Variants in HECW1 observed in about 807,000 individuals in gnomAD.
HECW1 encodes HECT, C2 and WW domain containing E3 ubiquitin protein ligase 1, also known as E3 ubiquitin-protein ligase HECW1.
Under a neutral mutation model 182.3 loss-of-function variants are expected in HECW1, and 61 were observed. The ratio of observed to expected loss-of-function variants is 0.33; its 90% CI spans 0.27 to 0.41. HECW1 has a LOEUF of 0.41. HECW1 is among the 10% of genes least tolerant of loss of function. The probability of loss-of-function intolerance (pLI) is 1.00; values close to 1 mark genes in which losing one functional copy is unlikely to be tolerated. For missense variants in HECW1, 1,739 were observed against 2,108.9 expected, an observed-to-expected ratio of 0.82 and a Z score of 3.44; for synonymous variants, 859 against 832.6, an observed-to-expected ratio of 1.03 and a Z score of -0.55.
intron 6 of HECW1, among the ~76,000 whole-genome samples, chr7:43,365,758 A>G (rs1323098933): frequency 6.6e-6 from 1 of 152,192 alleles, no homozygotes; most frequent in Non-Finnish European, 1.5e-5. Flanking sequence ...GCTTTTGATA[A>G]TAACTGAACA....
At chr7:43,381,464 G>C (rs115465926) in intron 6 of HECW1, among the ~76,000 whole-genome samples, 1 of 151,536 alleles carries the variant, frequency 6.6e-6, no homozygotes, top group African/African-American at 2.4e-5. Flanking sequence ...TAGGACTACA[G>C]GCACATGCTA....
chr7:43,435,931 G>C (rs1004782088), intron 8 of HECW1, among the ~76,000 whole-genome samples: 1 of 152,158 alleles, frequency 6.6e-6, no homozygotes, highest in Non-Finnish European at 1.5e-5. Context: ...TTGGGAGGCC[G>C]AGGCAGGCGG....
chr7:43,274,229 A>G, intron 3 of HECW1: 1 of 605,492 alleles, frequency 1.7e-6, no homozygotes, highest in Non-Finnish European at 2.8e-6. Context: ...AATGCCACAC[A>G]CTGCCCCTCT....
At chr7:43,515,801 C>T (rs140069066) in intron 24 of HECW1, among the ~76,000 whole-genome samples, 151 of 152,272 alleles carry the variant, frequency 9.9e-4, no homozygotes, top group African/African-American at 3.5e-3. Context: ...TCATTGGAAA[C>T]TCTTCACTTA....
At chr7:43,499,205 C>T (rs2152923093) in intron 19 of HECW1, among the ~76,000 whole-genome samples, 1 of 152,112 alleles carries the variant, frequency 6.6e-6, no homozygotes, top group East Asian at 1.9e-4. Flanking sequence ...TCACTGGAGC[C>T]TTGGGAGGTT....
At chr7:43,369,225 G>A (rs758045353) in intron 6 of HECW1, among the ~76,000 whole-genome samples, 5 of 152,132 alleles carry the variant, frequency 3.3e-5, no homozygotes, top group African/African-American at 4.8e-5. Flanking sequence ...TTGGGAGGCC[G>A]AGGCAGGCAG....
intron 2 of HECW1, among the ~76,000 whole-genome samples, chr7:43,214,495 A>G (rs2152697545): frequency 6.6e-6 from 1 of 152,324 alleles, no homozygotes; most frequent in African/African-American, 2.4e-5. Flanking sequence ...ATGCATCTAT[A>G]TATCCTTATC....
intron 17 of HECW1, among the ~76,000 whole-genome samples, chr7:43,480,738 C>T (rs547991386): frequency 4.4e-4 from 66 of 149,250 alleles, no homozygotes; most frequent in African/African-American, 1.3e-3. Flanking sequence ...TATATATATA[C>T]ACACACACAC....
chr7:43,432,171 G>C lies in HECW1; in HGVS notation c.802-5832G>C, dbSNP rs2076571576. The stretch of plus-strand genomic sequence containing the variant: ...TTTTTTTTTTTTGAGACGGAGTCTC[G>C]CTCTGTCGCCCGGGCTGGAGTGCAG... On this transcript the variant is annotated intron_variant, in intron 8 of 29. Transcript: ENST00000395891. The surrounding 1 kb of genome is among the most constrained non-coding windows in gnomAD (Gnocchi z 4.1). 7.0e-6 allele frequency among the ~76,000 whole-genome samples: 1 copy of C among 142,282 alleles called. No homozygotes were observed. The highest frequency in any genetic ancestry group is 2.2e-4 in the South Asian group (1 of 4,540). 93.3% of individuals were successfully genotyped at this position (142,282 alleles called of 152,430 possible).
At chr7:43,170,133 G>A (rs1211048142) in intron 2 of HECW1, among the ~76,000 whole-genome samples, 1 of 152,178 alleles carries the variant, frequency 6.6e-6, no homozygotes, top group Non-Finnish European at 1.5e-5. Flanking sequence ...CAGATCAGTG[G>A]TGACAAGATT....
In HECW1 at chr7:43,332,734, A is replaced by C. The variant is rs573236939; in HGVS notation, c.460+11992A>C. Reference sequence around the variant, plus strand: ...GACCCCTGGGCTGTTGTTTGGGGTAAGGCTACTGTCCTGAGTAGAGGAATA... The same window carrying C: ...GACCCCTGGGCTGTTGTTTGGGGTACGGCTACTGTCCTGAGTAGAGGAATA... On this transcript the variant is annotated intron_variant, in intron 5 of 29. Transcript: ENST00000395891. 1.2e-3 allele frequency among the ~76,000 whole-genome samples: 185 copies of C among 152,300 alleles called. 1 individual carries two copies. Among genetic ancestry groups the C allele is most frequent in the Middle Eastern group, 3.4e-3 (1 of 294 alleles).
chr7:43,403,983 G>T (rs778238514), intron 7 of HECW1, among the ~76,000 whole-genome samples: 1 of 151,960 alleles, frequency 6.6e-6, no homozygotes, highest in Non-Finnish European at 1.5e-5. Context: ...CTCCTTTAAC[G>T]TAGCATTTAC....
intron 16 of HECW1, among the ~76,000 whole-genome samples, chr7:43,469,896 TGCAAAGCCACG>T (rs1442245124): frequency 2.0e-5 from 3 of 152,196 alleles, no homozygotes; most frequent in African/African-American, 7.2e-5. Context: ...AACATGGGCC[TGCAAAGCCACG>T]TTCCCCAAAG....
chr7:43,474,993 G>C (rs897379003), intron 16 of HECW1, among the ~76,000 whole-genome samples: 1 of 152,208 alleles, frequency 6.6e-6, no homozygotes, highest in African/African-American at 2.4e-5. Context: ...AAAATGAGGA[G>C]TTATTGTTTT....
intron 3 of HECW1, among the ~76,000 whole-genome samples, chr7:43,275,551 TAA>T (rs1421410970): frequency 2.0e-5 from 3 of 152,182 alleles, no homozygotes; most frequent in Non-Finnish European, 4.4e-5. Context: ...GAAATGGTAT[TAA>T]GTTTTAGAAA....
At chr7:43,309,664 C>T (rs1217025014) in intron 3 of HECW1, among the ~76,000 whole-genome samples, 1 of 152,242 alleles carries the variant, frequency 6.6e-6, no homozygotes, top group African/African-American at 2.4e-5. Flanking sequence ...AAAGGAGCCT[C>T]TCCCCTGAGC....
intron 3 of HECW1, among the ~76,000 whole-genome samples, chr7:43,280,707 C>T (rs1192579791): frequency 6.6e-6 from 1 of 152,144 alleles, no homozygotes; most frequent in African/African-American, 2.4e-5. Flanking sequence ...CGGCTCATTC[C>T]CTTTACAACT....
At chr7:43,284,928 T>A (rs77400196) in intron 3 of HECW1, among the ~76,000 whole-genome samples, 5,504 of 151,848 alleles carry the variant, frequency 0.036, 299 homozygotes, top group African/African-American at 0.12. Context: ...GGTCTTATAA[T>A]GTGAAACTTT....
At chr7:43,159,625 AC>A (rs1335662635) in intron 2 of HECW1, among the ~76,000 whole-genome samples, 1 of 151,886 alleles carries the variant, frequency 6.6e-6, no homozygotes, top group East Asian at 1.9e-4. Flanking sequence ...CATACAAAAA[AC>A]ATTTCCTTAT....
Sources: gnomAD v4.1 joint callset for allele counts (sites outside exome capture counted in the v4.1 genomes callset) on GRCh38, gnomAD v4.1.1 for gene constraint, Gnocchi (gnomAD v3.1) non-coding constraint, MANE v1.5 for transcripts, NCBI Gene and HGNC (gene_info 2026-07-23, HGNC 2026-07-21) for gene names.